The following KLHL2 variants were observed in gnomAD, a reference collection of about 807,000 sequenced individuals.
KLHL2 encodes kelch like family member 2.
Under a neutral mutation model 75.8 loss-of-function variants are expected in KLHL2, and 15 were observed. The observed-to-expected ratio is 0.20, with a 90% CI of 0.13 to 0.30. KLHL2 has a LOEUF of 0.30. Ranked by LOEUF, KLHL2 falls within the 10% of genes least tolerant of loss-of-function variation. KLHL2 has a pLI of 1.00. For missense variants in KLHL2, 381 were observed against 741.0 expected (o/e 0.51, Z 5.64); for synonymous variants, 214 against 251.9 (o/e 0.85, Z 1.42).
chr4:165,231,409 A>G (rs2111052602), intron 3 of KLHL2, among the ~76,000 whole-genome samples: 1 of 152,274 alleles, frequency 6.6e-6, no homozygotes, highest in South Asian at 2.1e-4. Context: ...AGATGGTGCC[A>G]TTGCATGCTA....
intron 2 of KLHL2, among the ~76,000 whole-genome samples, chr4:165,220,868 A>T (rs1398009222): frequency 6.6e-6 from 1 of 152,186 alleles, no homozygotes; most frequent in East Asian, 1.9e-4. Context: ...TTGATTGAAA[A>T]ATGAGTAGCT....
At chr4:165,301,041 C>T (rs556324408) in intron 8 of KLHL2, among the ~76,000 whole-genome samples, 1 of 152,056 alleles carries the variant, frequency 6.6e-6, no homozygotes, top group Non-Finnish European at 1.5e-5. Context: ...TTTTCTAGAT[C>T]GTTAGCAAAT....
intron 5 of KLHL2, among the ~76,000 whole-genome samples, chr4:165,271,563 G>A (rs1370275235): frequency 1.3e-5 from 2 of 152,046 alleles, no homozygotes; most frequent in East Asian, 1.9e-4. Context: ...GAGTCTTTAG[G>A]GCTTTCTAGG....
chr4:165,277,887 G>A (rs1743267407), intron 5 of KLHL2: 1 of 838,150 alleles, frequency 1.2e-6, no homozygotes. Context: ...TAAAATCAAA[G>A]TCTATGAATA....
intron 8 of KLHL2, among the ~76,000 whole-genome samples, chr4:165,299,857 T>C (rs1444637334): frequency 6.6e-6 from 1 of 152,224 alleles, no homozygotes; most frequent in South Asian, 2.1e-4. Context: ...CTTTGGTCCG[T>C]TTAATTTTTA....
chr4:165,274,447 A>C (rs1742923000), intron 5 of KLHL2, among the ~76,000 whole-genome samples: 2 of 152,110 alleles, frequency 1.3e-5, no homozygotes, highest in Non-Finnish European at 2.9e-5. Flanking sequence ...GTCTCTACTA[A>C]AAATACAAAC....
intron 3 of KLHL2, among the ~76,000 whole-genome samples, chr4:165,232,295 C>T (rs1217353068): frequency 1.5e-4 from 23 of 151,670 alleles, no homozygotes; most frequent in African/African-American, 5.3e-4. Flanking sequence ...GGCGTGGTGG[C>T]GGGCACCTGT....
intron 5 of KLHL2, among the ~76,000 whole-genome samples, chr4:165,283,075 A>G (rs1331204057): frequency 6.6e-6 from 1 of 152,138 alleles, no homozygotes; most frequent in Non-Finnish European, 1.5e-5. Flanking sequence ...ACAGCATGGG[A>G]AAGACCCATC....
intron 5 of KLHL2, among the ~76,000 whole-genome samples, chr4:165,268,760 A>G (rs10024370): frequency 0.43 from 64,080 of 148,192 alleles, 14,147 homozygotes; most frequent in African/African-American, 0.61. Flanking sequence ...GAATAAGTGC[A>G]ATGTGGTGCT....
intron 4 of KLHL2, among the ~76,000 whole-genome samples, chr4:165,252,261 A>G (rs1432611953): frequency 6.6e-6 from 1 of 151,624 alleles, no homozygotes; most frequent in African/African-American, 2.4e-5. Flanking sequence ...TTGTTTAGGT[A>G]TGGAGCCTGT....
At chr4:165,252,004 T>TA (rs1437024754) in intron 4 of KLHL2, among the ~76,000 whole-genome samples, 3 of 152,190 alleles carry the variant, frequency 2.0e-5, no homozygotes, top group Non-Finnish European at 2.9e-5. Flanking sequence ...ATTATTAAAA[T>TA]ATATGGTCCT....
rs531289342 is a variant in KLHL2, at chr4:165,278,112, C to T, written c.544+14753C>T. On this transcript the variant is annotated intron_variant, in intron 5 of 14. Coordinates refer to ENST00000226725, the MANE Select transcript of KLHL2 (RefSeq NM_007246.4). The stretch of plus-strand genomic sequence containing the variant: ...TCTGGAGATTGAGTTGTAACCCAAC[C>T]CATTGACTTCATCACAGCTTTCTTC... 23 of 1,555,374 alleles carry T rather than the reference C, an allele frequency of 1.5e-5. No homozygotes were observed. The East Asian group carries it at 4.7e-4, about 32-fold the overall frequency.
intron 5 of KLHL2, chr4:165,279,323 A>G: frequency 6.4e-7 from 1 of 1,562,334 alleles, no homozygotes; most frequent in Non-Finnish European, 8.8e-7. Context: ...AGCATTGTAG[A>G]GAGGCTCTCC....
intron 7 of KLHL2, among the ~76,000 whole-genome samples, chr4:165,297,979 AC>A (rs112193941): frequency 0.25 from 37,296 of 151,972 alleles, 5,234 homozygotes; most frequent in Middle Eastern, 0.34. Context: ...GCATGCTACA[AC>A]CCCAGCTAAT....
At chr4:165,249,497 C>G (rs976029618) in intron 4 of KLHL2, among the ~76,000 whole-genome samples, 2 of 151,700 alleles carry the variant, frequency 1.3e-5, no homozygotes, top group Non-Finnish European at 2.9e-5. Flanking sequence ...GAAAGTCTTA[C>G]CAAACTGGCA....
intron 1 of KLHL2, among the ~76,000 whole-genome samples, chr4:165,219,355 A>G (rs1045831122): frequency 1.3e-5 from 2 of 152,256 alleles, no homozygotes; most frequent in Admixed American, 1.3e-4. Flanking sequence ...TGTTGTGAGG[A>G]TTAACCAAAT....
At chr4:165,270,005 G>A (rs1315469463) in intron 5 of KLHL2, among the ~76,000 whole-genome samples, 1 of 152,074 alleles carries the variant, frequency 6.6e-6, no homozygotes, top group East Asian at 1.9e-4. Context: ...TTTCTTGGAG[G>A]CTTTGTTCAT....
At chr4:165,243,695 A>G (rs1740000981) in intron 4 of KLHL2, among the ~76,000 whole-genome samples, 1 of 152,264 alleles carries the variant, frequency 6.6e-6, no homozygotes, top group Non-Finnish European at 1.5e-5. Flanking sequence ...TTGGTGGTAT[A>G]GGGCAGGTTG....
intron 5 of KLHL2, among the ~76,000 whole-genome samples, chr4:165,280,897 A>G (rs1743616383): frequency 6.6e-6 from 1 of 152,248 alleles, no homozygotes; most frequent in African/African-American, 2.4e-5. Flanking sequence ...TAGTGTTGAA[A>G]GTCAAAGAAT....
Sources: allele counts gnomAD v4.1 joint callset (sites outside exome capture counted in the v4.1 genomes callset), GRCh38; gene constraint gnomAD v4.1.1; transcripts MANE v1.5; gene names NCBI Gene and HGNC (gene_info 2026-07-23, HGNC 2026-07-21).